The following EPHA6 variants were observed in gnomAD, a reference collection of about 807,000 sequenced individuals.
EPHA6 encodes the protein ephrin type-A receptor 6.
Under a neutral mutation model 112.0 loss-of-function variants are expected in EPHA6, and 50 were observed. That is an observed-to-expected ratio of 0.45 (90% CI 0.36 to 0.56). The LOEUF is 0.56. Among genes scored for constraint, EPHA6 ranks in the 20% least tolerant of loss-of-function variants. The pLI is 0.00. For synonymous variants in EPHA6, 529 were observed against 490.7 expected (o/e 1.08, Z -1.03); for missense variants, 1,280 against 1,417.4 (o/e 0.90, Z 1.56).
At chr3:97,091,990 A>G (rs935297420) in intron 3 of EPHA6, among the ~76,000 whole-genome samples, 1 of 151,378 alleles carries the variant, frequency 6.6e-6, no homozygotes, top group Admixed American at 6.6e-5. Context: ...TTGCTTTCTG[A>G]TGGGTTGAGA....
chr3:97,644,722 C>A (rs1054056453), intron 14 of EPHA6, among the ~76,000 whole-genome samples: 1 of 150,362 alleles, frequency 6.7e-6, no homozygotes, highest in African/African-American at 2.4e-5. Context: ...CATACACTCT[C>A]CCAAGACTAA....
At chr3:96,869,097 A>G (rs760270917) in intron 2 of EPHA6, among the ~76,000 whole-genome samples, 9 of 152,052 alleles carry the variant, frequency 5.9e-5, no homozygotes, top group Non-Finnish European at 1.2e-4. Context: ...ATTTGTGCCA[A>G]CATTTAAAAT....
At chr3:96,885,074 C>G (rs1375004626) in intron 2 of EPHA6, among the ~76,000 whole-genome samples, 1 of 152,080 alleles carries the variant, frequency 6.6e-6, no homozygotes, top group African/African-American at 2.4e-5. Flanking sequence ...GGTATGAAAC[C>G]CACATGATCA....
chr3:97,229,793 T>C (rs1213325875), intron 4 of EPHA6, among the ~76,000 whole-genome samples: 6 of 152,146 alleles, frequency 3.9e-5, no homozygotes, highest in African/African-American at 1.4e-4. Context: ...TTGCTATTCA[T>C]TAGTAGATGT....
intron 16 of EPHA6, among the ~76,000 whole-genome samples, chr3:97,742,602 T>C (rs1038616691): frequency 4.6e-5 from 7 of 152,168 alleles, no homozygotes; most frequent in Admixed American, 3.9e-4. Flanking sequence ...AGATAATTAA[T>C]GTCCTTAACA....
chr3:97,604,980 G>A (rs978032107), intron 12 of EPHA6, among the ~76,000 whole-genome samples: 2 of 151,486 alleles, frequency 1.3e-5, no homozygotes, highest in Admixed American at 6.6e-5. Context: ...TGACCTTATA[G>A]AGAAGAATTG....
At chr3:97,371,828 T>TGGGGA (rs1469921216) in intron 5 of EPHA6, among the ~76,000 whole-genome samples, 1 of 152,112 alleles carries the variant, frequency 6.6e-6, no homozygotes, top group African/African-American at 2.4e-5. Context: ...GTGGCTGCTC[T>TGGGGA]GGGGACGTCT....
chr3:96,830,782 T>TG (rs151321445), intron 1 of EPHA6, among the ~76,000 whole-genome samples: 2 of 151,386 alleles, frequency 1.3e-5, no homozygotes, highest in African/African-American at 2.4e-5. Flanking sequence ...TAAGGGGAAA[T>TG]GGGGGGGACA....
intron 6 of EPHA6, among the ~76,000 whole-genome samples, chr3:97,444,245 A>T (rs1482885300): frequency 6.6e-6 from 1 of 152,116 alleles, no homozygotes; most frequent in African/African-American, 2.4e-5. Flanking sequence ...TAAAAATAAA[A>T]CAAAGAGGTG....
At chr3:97,209,070 A>C (rs927743356) in intron 3 of EPHA6, among the ~76,000 whole-genome samples, 1 of 152,174 alleles carries the variant, frequency 6.6e-6, no homozygotes, top group African/African-American at 2.4e-5. Context: ...TGTACAAGCA[A>C]TGATACATTC....
At chr3:97,288,221 A>G (rs2080543415) in intron 5 of EPHA6, among the ~76,000 whole-genome samples, 1 of 152,100 alleles carries the variant, frequency 6.6e-6, no homozygotes, top group Admixed American at 6.6e-5. Context: ...CAGTTTTTCA[A>G]TCCTTGTTCC....
Position 97,226,385 on chromosome 3 carries a change from A to C in EPHA6, c.1236A>C (p.Arg412=), listed in dbSNP as rs1314653959. 2 of 1,613,536 alleles carry C rather than the reference A, an allele frequency of 1.2e-6. No homozygotes were observed. Among genetic ancestry groups the C allele is most frequent in the East Asian group, 2.2e-5 (1 of 44,838 alleles). The part of the protein sequence containing the change: ...SVCQCEKGYF[R]AEKDPPSMAC... ...GTCAGTGTGAAAAGGGTTATTTCCGAGCTGAAAAAGACCCACCTTCTATGG... is the reference window on the plus strand; with the variant it reads ...GTCAGTGTGAAAAGGGTTATTTCCGCGCTGAAAAAGACCCACCTTCTATGG... Residue 412 remains arginine, a synonymous_variant, in exon 4 of 18, where the codon CGA becomes CGC. Transcript: ENST00000389672.
At chr3:96,924,308 C>T (rs904729996) in intron 2 of EPHA6, among the ~76,000 whole-genome samples, 5 of 152,036 alleles carry the variant, frequency 3.3e-5, no homozygotes, top group Admixed American at 6.6e-5. Flanking sequence ...TTGTTTGTGT[C>T]GTCTCTGATT....
At chr3:97,654,443 A>G (rs1369230825) in intron 14 of EPHA6, among the ~76,000 whole-genome samples, 2 of 151,974 alleles carry the variant, frequency 1.3e-5, no homozygotes, top group Admixed American at 6.6e-5. Flanking sequence ...TACAGTTTAC[A>G]GTCTTGAGGA....
intron 10 of EPHA6, among the ~76,000 whole-genome samples, chr3:97,517,759 ACC>A (rs2092470520): frequency 1.3e-5 from 2 of 151,886 alleles, no homozygotes; most frequent in East Asian, 3.9e-4. Context: ...CGGTGCCCCC[ACC>A]CCACACTGAA....
intron 7 of EPHA6, among the ~76,000 whole-genome samples, chr3:97,452,341 T>C (rs1246401032): frequency 1.3e-5 from 2 of 151,886 alleles, no homozygotes; most frequent in South Asian, 4.1e-4. Flanking sequence ...ATTGCATATA[T>C]GTATGTGGAG....
chr3:97,328,005 ATGTATATGTGT>A (rs2082548275), intron 5 of EPHA6, among the ~76,000 whole-genome samples: 6 of 137,114 alleles, frequency 4.4e-5, no homozygotes, highest in African/African-American at 1.5e-4. Flanking sequence ...GTGTATGTAT[ATGTATATGTGT>A]ATATATGTAT....
intron 7 of EPHA6, among the ~76,000 whole-genome samples, chr3:97,450,593 T>G (rs1394118244): frequency 6.6e-6 from 1 of 152,106 alleles, no homozygotes; most frequent in Non-Finnish European, 1.5e-5. Flanking sequence ...CAGTTTGATT[T>G]GGTTTTAACA....
chr3:97,465,678 C>T (rs913865438), intron 7 of EPHA6, among the ~76,000 whole-genome samples: 2 of 151,984 alleles, frequency 1.3e-5, no homozygotes, highest in Non-Finnish European at 2.9e-5. Context: ...AATAGCAGGT[C>T]CTAAAAGAAA....
Sources: allele counts gnomAD v4.1 joint callset (sites outside exome capture counted in the v4.1 genomes callset), GRCh38; gene constraint gnomAD v4.1.1; transcripts MANE v1.5; gene names NCBI Gene and HGNC (gene_info 2026-07-23, HGNC 2026-07-21).